Variants in LGI2 observed in about 807,000 individuals in gnomAD.
LGI2 encodes the protein leucine-rich repeat LGI family member 2.
Under a neutral mutation model 52.0 loss-of-function variants are expected in LGI2, and 30 were observed. The observed-to-expected ratio is 0.58, with a 90% CI of 0.43 to 0.78. The LOEUF is 0.78. LGI2 is among the 30% of genes least tolerant of loss of function. LGI2 has a pLI of 0.00. For synonymous variants in LGI2, 270 were observed against 271.8 expected, an observed-to-expected ratio of 0.99 and a Z score of 0.06; for missense variants, 573 against 692.5, an observed-to-expected ratio of 0.83 and a Z score of 1.94.
At chr4:25,025,016 G>T in intron 3 of LGI2, 125 bp from the exon 4 acceptor site, 1 of 647,678 alleles carries the variant, frequency 1.5e-6, no homozygotes, top group South Asian at 2.3e-5. Context: ...GATCTCTGAA[G>T]ACTAGGTCAG....
In LGI2 at chr4:25,012,355, C is replaced by T. The variant is rs766375547; in HGVS notation, c.800G>A (p.Arg267Gln). The change falls in exon 7 of 8, where the codon CGG becomes CAG. Residue 267 changes from arginine to glutamine, a missense_variant. Transcript: ENST00000382114. Reference sequence around the variant, plus strand: ...CACACCTGTAATGTTGTCATAGCTCCGGAAATTCATTTCAATGTGGTCCCA... The same window carrying T: ...CACACCTGTAATGTTGTCATAGCTCTGGAAATTCATTTCAATGTGGTCCCA... ...LEWDHIEMNF[R>Q]SYDNITGQSI... The T allele has an allele frequency of 2.5e-5, 40 of 1,614,112 alleles. No homozygotes were observed. Among genetic ancestry groups the T allele is most frequent in the Middle Eastern group, 1.6e-4 (1 of 6,084 alleles).
At chr4:25,015,837 TG>T (rs1308479306) in intron 6 of LGI2, among the ~76,000 whole-genome samples, 13 of 152,264 alleles carry the variant, frequency 8.5e-5, no homozygotes, top group African/African-American at 3.1e-4. Context: ...GGCCTATGTT[TG>T]GGGGTGGATC....
chr4:24,995,739 A>G (rs916635420), downstream of LGI2, among the ~76,000 whole-genome samples: 12 of 152,216 alleles, frequency 7.9e-5, no homozygotes, highest in Non-Finnish European at 2.9e-5. Context: ...TCTTGAAGGG[A>G]GGGGCACCAA....
intron 6 of LGI2, 32 bp from the exon 7 acceptor site, chr4:25,012,531 C>A: frequency 6.2e-7 from 1 of 1,608,294 alleles, no homozygotes; most frequent in South Asian, 1.1e-5. Context: ...GAAAAGCGTT[C>A]ATAAAATCTC....
intron 7 of LGI2, among the ~76,000 whole-genome samples, chr4:25,005,840 C>T (rs1440461341): frequency 1.3e-5 from 2 of 152,156 alleles, no homozygotes; most frequent in Non-Finnish European, 2.9e-5. Context: ...CAAAGCCCAG[C>T]CCCGCACCTT....
intron 4 of LGI2, among the ~76,000 whole-genome samples, chr4:25,021,646 G>A (rs981346222): frequency 3.9e-5 from 6 of 152,050 alleles, no homozygotes; most frequent in South Asian, 2.1e-4. Context: ...TTTAAAAGTC[G>A]CCTGGCCGGG....
chr4:24,995,965 G>A (rs549023400), downstream of LGI2, among the ~76,000 whole-genome samples: 1 of 152,336 alleles, frequency 6.6e-6, no homozygotes, highest in East Asian at 1.9e-4. Flanking sequence ...AAATGGTGAT[G>A]TAAAGGTGAG....
intron 2 of LGI2, among the ~76,000 whole-genome samples, chr4:25,027,803 C>T (rs182980925): frequency 4.6e-5 from 7 of 152,330 alleles, no homozygotes; most frequent in Non-Finnish European, 4.4e-5. Context: ...TTGAAAACTA[C>T]TTTTTGGACA....
chr4:25,020,780 C>A (rs1725929183), intron 4 of LGI2, among the ~76,000 whole-genome samples: 1 of 152,138 alleles, frequency 6.6e-6, no homozygotes, highest in African/African-American at 2.4e-5. Context: ...CTGAATTATG[C>A]CCCTTCCTAT....
At chr4:24,996,741 T>C (rs761979812), downstream of LGI2, among the ~76,000 whole-genome samples, 7 of 152,218 alleles carry the variant, frequency 4.6e-5, no homozygotes, top group Non-Finnish European at 1.0e-4. Flanking sequence ...CCCTGCATCA[T>C]TTCTGTGGGT....
chr4:25,011,184 T>C (rs1244522337), intron 7 of LGI2, among the ~76,000 whole-genome samples: 1 of 151,882 alleles, frequency 6.6e-6, no homozygotes, highest in Non-Finnish European at 1.5e-5. Flanking sequence ...AGAGACCAGC[T>C]CATCCTCCCC....
chr4:25,011,687 G>A (rs547756081), intron 7 of LGI2, among the ~76,000 whole-genome samples: 1 of 152,342 alleles, frequency 6.6e-6, no homozygotes, highest in African/African-American at 2.4e-5. Flanking sequence ...ATTGTTATCA[G>A]ATTGCACGTT....
intron 6 of LGI2, among the ~76,000 whole-genome samples, chr4:25,014,289 C>T (rs1477637714): frequency 6.6e-6 from 1 of 152,050 alleles, no homozygotes; most frequent in Non-Finnish European, 1.5e-5. Context: ...TTGAAGAATC[C>T]CAGGATGAAA....
At chr4:25,011,941 T>G (rs922210172) in intron 7 of LGI2, among the ~76,000 whole-genome samples, 13 of 152,098 alleles carry the variant, frequency 8.5e-5, no homozygotes, top group African/African-American at 2.9e-4. Flanking sequence ...GTGTGTGTGT[T>G]TGTTAGCATA....
chr4:24,999,925 A>G lies in LGI2; in HGVS notation c.*3526T>C, dbSNP rs577088449. On this transcript the variant is annotated 3_prime_UTR_variant, in exon 8 of 8. Transcript: ENST00000382114. Reference sequence around the variant, plus strand: ...TGTTTATCTGGTGGACAATGTGACAAGAACCAGATGTGTCTCAACCTCAAC... The same window carrying G: ...TGTTTATCTGGTGGACAATGTGACAGGAACCAGATGTGTCTCAACCTCAAC... The G allele has an allele frequency of 2.2e-6, 1 of 454,822 alleles. No homozygotes were observed. Among genetic ancestry groups the G allele is most frequent in the South Asian group, 1.6e-5 (1 of 64,204 alleles). 28.2% of individuals were successfully genotyped at this position (454,822 alleles called of 1,614,324 possible).
chr4:25,020,605 C>A (rs190003240), intron 4 of LGI2, among the ~76,000 whole-genome samples: 1 of 152,334 alleles, frequency 6.6e-6, no homozygotes, highest in Admixed American at 6.5e-5. Context: ...TTTAAGATAT[C>A]TATGAAATGC....
At chr4:25,018,255 T>C in intron 5 of LGI2, 97 bp from the exon 6 acceptor site, 1 of 839,934 alleles carries the variant, frequency 1.2e-6, no homozygotes, top group Non-Finnish European at 1.8e-6. Flanking sequence ...ATTAACATCC[T>C]GATATATTTA....
chr4:25,023,785 T>C (rs1272459826), intron 4 of LGI2, among the ~76,000 whole-genome samples: 1 of 152,240 alleles, frequency 6.6e-6, no homozygotes, highest in Non-Finnish European at 1.5e-5. Context: ...ACCTGGTTCC[T>C]GGCTAACGAA....
chr4:24,993,983 CCTGA>C (rs1442121279), downstream of LGI2, among the ~76,000 whole-genome samples: 3 of 152,188 alleles, frequency 2.0e-5, no homozygotes, highest in African/African-American at 4.8e-5. Flanking sequence ...AGAAAATTCT[CCTGA>C]CTTTCTATGT....
Sources: allele counts gnomAD v4.1 joint callset (sites outside exome capture counted in the v4.1 genomes callset), GRCh38; gene constraint gnomAD v4.1.1; transcripts MANE v1.5; gene names NCBI Gene and HGNC (gene_info 2026-07-23, HGNC 2026-07-21).